The following INPP4B variants were observed in gnomAD, a reference collection of about 807,000 sequenced individuals.
The protein encoded by INPP4B is inositol polyphosphate 4-phosphatase type II.
A neutral mutation model predicts 122.5 loss-of-function variants in INPP4B; 55 were observed. The ratio of observed to expected loss-of-function variants is 0.45; its 90% CI spans 0.36 to 0.56. The LOEUF is 0.56. Among genes scored for constraint, INPP4B ranks in the 20% least tolerant of loss-of-function variants. The pLI, the probability that INPP4B is intolerant of heterozygous loss-of-function variation, is 0.00. For synonymous variants in INPP4B, 403 were observed against 388.7 expected (o/e 1.04, Z -0.43); for missense variants, 1,000 against 1,097.7 (o/e 0.91, Z 1.26).
At chr4:142,246,071 A>G (rs1219633422) in intron 11 of INPP4B, among the ~76,000 whole-genome samples, 1 of 144,250 alleles carries the variant, frequency 6.9e-6, no homozygotes, top group Admixed American at 6.7e-5. Context: ...GTGTGTGTGT[A>G]TACACACATT....
intron 25 of INPP4B, among the ~76,000 whole-genome samples, chr4:142,068,594 G>A (rs183925725): frequency 4.6e-4 from 70 of 152,232 alleles, no homozygotes; most frequent in South Asian, 4.1e-4. Flanking sequence ...CCCATCTCAC[G>A]TGCAGAGACA....
intron 2 of INPP4B, among the ~76,000 whole-genome samples, chr4:142,673,625 G>A (rs1276126396): frequency 6.6e-6 from 1 of 152,124 alleles, no homozygotes; most frequent in African/African-American, 2.4e-5. Context: ...ACCTGTTAGG[G>A]ATTTGGGTCA....
intron 2 of INPP4B, among the ~76,000 whole-genome samples, chr4:142,669,891 T>A (rs1166412123): frequency 6.6e-6 from 1 of 152,208 alleles, no homozygotes; most frequent in Non-Finnish European, 1.5e-5. Context: ...TTGTTGTGGA[T>A]GTAAATTAGT....
At chr4:142,683,371 T>C (rs927263212) in intron 2 of INPP4B, among the ~76,000 whole-genome samples, 2 of 151,818 alleles carry the variant, frequency 1.3e-5, no homozygotes, top group Non-Finnish European at 2.9e-5. Context: ...AGGTCACTGG[T>C]GTACAAAATG....
intron 18 of INPP4B, among the ~76,000 whole-genome samples, chr4:142,144,383 A>G (rs953356907): frequency 3.3e-5 from 5 of 152,028 alleles, no homozygotes; most frequent in African/African-American, 1.2e-4. Flanking sequence ...AAAAAATAAT[A>G]TGCCTTGAAA....
In INPP4B at chr4:142,765,661, T is replaced by C. The variant is rs547409842; in HGVS notation, c.-253-39760A>G. ...ATTGTAAGGATTTTCACTGTTAACT[T>C]ATTACTGTCACTTCTAAGGGAGATA... On this transcript the variant is annotated intron_variant, in intron 1 of 25. Coordinates refer to ENST00000262992, the MANE Select transcript of INPP4B (RefSeq NM_001101669.3). Among the ~76,000 whole-genome samples, 4 of 152,308 alleles carry C rather than the reference T, an allele frequency of 2.6e-5. No homozygotes were observed. In the East Asian group the frequency reaches 7.7e-4, roughly 29 times the overall value.
chr4:142,419,148 T>C (rs562178380), intron 5 of INPP4B, among the ~76,000 whole-genome samples: 9 of 152,076 alleles, frequency 5.9e-5, no homozygotes, highest in Non-Finnish European at 5.9e-5. Context: ...ATACAATATT[T>C]GGGGGGACAA....
At chr4:142,316,883 C>T (rs1385708617) in intron 7 of INPP4B, among the ~76,000 whole-genome samples, 1 of 152,142 alleles carries the variant, frequency 6.6e-6, no homozygotes, top group African/African-American at 2.4e-5. Flanking sequence ...GCAGTGAACA[C>T]AAGCTAGGTA....
rs547553706 is a variant in INPP4B, at chr4:142,185,407, T to C, written c.1181+7680A>G. Among the ~76,000 whole-genome samples the C allele has an allele frequency of 1.8e-4, 27 of 151,682 alleles. No homozygotes were observed. The South Asian group carries it at 5.6e-3, about 32-fold the overall frequency. ...ATGTGTATGTGTGTGTGTATATATA[T>C]ATATATATATATCTCATCAGCCATA... On this transcript the variant is annotated intron_variant, in intron 15 of 25. Transcript: ENST00000262992.
chr4:142,621,814 T>C (rs921991645), intron 2 of INPP4B, among the ~76,000 whole-genome samples: 1 of 151,640 alleles, frequency 6.6e-6, no homozygotes, highest in Non-Finnish European at 1.5e-5. Flanking sequence ...TAATTATGTA[T>C]ATAAACAATA....
intron 25 of INPP4B, among the ~76,000 whole-genome samples, chr4:142,062,760 AACAAACAAACAAACAG>A (rs1230817191): frequency 4.9e-5 from 7 of 143,944 alleles, no homozygotes; most frequent in Non-Finnish European, 7.4e-5. Flanking sequence ...CAAACAAACA[AACAAACAAACAAACAG>A]ACAAACAAAC....
intron 15 of INPP4B, among the ~76,000 whole-genome samples, chr4:142,182,469 AC>A (rs780713327): frequency 7.4e-6 from 1 of 135,716 alleles, no homozygotes; most frequent in Non-Finnish European, 1.5e-5. Context: ...AACTGCTTGA[AC>A]CCGGGAGGCG....
chr4:142,177,776 T>C (rs1453337983), intron 15 of INPP4B, among the ~76,000 whole-genome samples: 2 of 152,108 alleles, frequency 1.3e-5, no homozygotes, highest in Non-Finnish European at 2.9e-5. Context: ...GTGAAAAAAA[T>C]ATAAAGCACA....
chr4:142,539,091 T>C (rs1335666484), intron 2 of INPP4B, among the ~76,000 whole-genome samples: 1 of 150,068 alleles, frequency 6.7e-6, no homozygotes, highest in Non-Finnish European at 1.5e-5. Context: ...TTTATATATA[T>C]ATATATAAAC....
chr4:142,041,943 G>A (rs905063528), intron 25 of INPP4B, among the ~76,000 whole-genome samples: 4 of 152,150 alleles, frequency 2.6e-5, no homozygotes, highest in Admixed American at 6.5e-5. Context: ...TGCCACCTCA[G>A]ATCAGCTCTT....
At chr4:142,172,992 G>A (rs1423251244) in intron 16 of INPP4B, among the ~76,000 whole-genome samples, 2 of 151,858 alleles carry the variant, frequency 1.3e-5, no homozygotes, top group African/African-American at 2.4e-5. Flanking sequence ...AGCCGCCCTC[G>A]TTAGTTCTGG....
chr4:142,169,418 A>C (rs1184524758), intron 16 of INPP4B, among the ~76,000 whole-genome samples: 2 of 151,608 alleles, frequency 1.3e-5, no homozygotes, highest in Non-Finnish European at 3.0e-5. Flanking sequence ...ACAGTGAATA[A>C]ACAATAAAAA....
intron 18 of INPP4B, among the ~76,000 whole-genome samples, chr4:142,143,614 T>G (rs1809018618): frequency 6.6e-6 from 1 of 152,038 alleles, no homozygotes; most frequent in African/African-American, 2.4e-5. Context: ...TAAGTATTCA[T>G]GAGTCCACAT....
At chr4:142,281,556 C>T (rs1259749045) in intron 9 of INPP4B, among the ~76,000 whole-genome samples, 1 of 151,814 alleles carries the variant, frequency 6.6e-6, no homozygotes, top group Non-Finnish European at 1.5e-5. Context: ...AATTTGTATG[C>T]TTTTGGGTTT....
Sources: allele counts gnomAD v4.1 joint callset (sites outside exome capture counted in the v4.1 genomes callset), GRCh38; gene constraint gnomAD v4.1.1; transcripts MANE v1.5; gene names NCBI Gene and HGNC (gene_info 2026-07-23, HGNC 2026-07-21).